The following PROS1 variants were observed in gnomAD, a reference collection of about 807,000 sequenced individuals.
PROS1 encodes the protein vitamin K-dependent protein S.
PROS1 carries 29 observed loss-of-function variants against 75.9 expected under a neutral mutation model. That is an observed-to-expected ratio of 0.38 (90% CI 0.28 to 0.52). The LOEUF is 0.52. PROS1 is among the 20% of genes least tolerant of loss of function. The pLI, the probability that PROS1 is intolerant of heterozygous loss-of-function variation, is 0.83. For synonymous variants in PROS1, 245 were observed against 280.6 expected (o/e 0.87, Z 1.27); for missense variants, 680 against 810.3 (o/e 0.84, Z 1.95).
At chr3:93,939,647 C>T (rs1383295528) in intron 1 of PROS1, among the ~76,000 whole-genome samples, 1 of 152,160 alleles carries the variant, frequency 6.6e-6, no homozygotes, top group Non-Finnish European at 1.5e-5. Flanking sequence ...TGCTCCTTTT[C>T]TTTATCTGAC....
At chr3:93,969,836 A>C (rs1709849181) in intron 1 of PROS1, among the ~76,000 whole-genome samples, 1 of 152,214 alleles carries the variant, frequency 6.6e-6, no homozygotes, top group East Asian at 1.9e-4. Flanking sequence ...TAGGCAAAGA[A>C]TACTGTATTA....
chr3:93,915,691 T>G (rs1359473508), intron 3 of PROS1, among the ~76,000 whole-genome samples: 1 of 152,208 alleles, frequency 6.6e-6, no homozygotes, highest in Non-Finnish European at 1.5e-5. Flanking sequence ...CTCATCAGAA[T>G]GGGCTTTAGC....
intron 1 of PROS1, among the ~76,000 whole-genome samples, chr3:93,935,642 A>C (rs961632476): frequency 6.6e-6 from 1 of 152,180 alleles, no homozygotes; most frequent in African/African-American, 2.4e-5. Flanking sequence ...GAAGGATTTC[A>C]GATATCAATG....
intron 10 of PROS1, among the ~76,000 whole-genome samples, chr3:93,887,615 A>T (rs1424735293): frequency 6.6e-6 from 1 of 152,244 alleles, no homozygotes. Flanking sequence ...AAGTTGGTCA[A>T]CACTCCTTCT....
chr3:93,915,047 C>T (rs911664802), intron 3 of PROS1, among the ~76,000 whole-genome samples: 18 of 152,294 alleles, frequency 1.2e-4, no homozygotes, highest in African/African-American at 1.7e-4. Flanking sequence ...CTCCTAAAGA[C>T]CTTTTCACTC....
chr3:93,924,835 T>C (rs1233767265), intron 2 of PROS1, among the ~76,000 whole-genome samples: 1 of 151,924 alleles, frequency 6.6e-6, no homozygotes, highest in Non-Finnish European at 1.5e-5. Context: ...GCTGGTTTTT[T>C]GTTGTTAATT....
chr3:93,918,190 T>C (rs950161491), intron 3 of PROS1, among the ~76,000 whole-genome samples: 8 of 152,166 alleles, frequency 5.3e-5, no homozygotes, highest in African/African-American at 1.9e-4. Context: ...AATACACCAA[T>C]TGACACTCTG....
At chr3:93,908,896 A>G (rs763599706) in intron 4 of PROS1, among the ~76,000 whole-genome samples, 1 of 152,170 alleles carries the variant, frequency 6.6e-6, no homozygotes, top group Non-Finnish European at 1.5e-5. Context: ...CATAAGCTGT[A>G]AGCTTATTTT....
chr3:93,962,468 T>C (rs1351925545), intron 1 of PROS1, among the ~76,000 whole-genome samples: 2 of 152,238 alleles, frequency 1.3e-5, no homozygotes, highest in African/African-American at 4.8e-5. Context: ...TACAGTTTCA[T>C]ACTATAAGCT....
At chr3:93,879,435 C>T in intron 12 of PROS1, 121 bp from the exon 13 acceptor site, 1 of 1,351,170 alleles carries the variant, frequency 7.4e-7, no homozygotes, top group South Asian at 1.2e-5. Flanking sequence ...ATTTCCATTC[C>T]CTTTCTCAAT....
chr3:93,887,004 C>T (rs1473219940), intron 10 of PROS1, among the ~76,000 whole-genome samples: 2 of 151,408 alleles, frequency 1.3e-5, no homozygotes, highest in African/African-American at 4.8e-5. Context: ...CTGCAAGCTC[C>T]GCTTCCCGGG....
At chr3:93,969,500 G>C (rs776686744) in intron 1 of PROS1, among the ~76,000 whole-genome samples, 1 of 152,092 alleles carries the variant, frequency 6.6e-6, no homozygotes, top group Non-Finnish European at 1.5e-5. Context: ...GTGAGCTGTC[G>C]ATCACAGGAC....
intron 1 of PROS1, among the ~76,000 whole-genome samples, chr3:93,963,662 G>A (rs1223414461): frequency 1.3e-5 from 2 of 151,888 alleles, no homozygotes; most frequent in Non-Finnish European, 2.9e-5. Context: ...GGCAAAAGGG[G>A]AGCAGTGGAT....
chr3:93,952,423 C>T (rs1177150351), intron 1 of PROS1, among the ~76,000 whole-genome samples: 2 of 152,134 alleles, frequency 1.3e-5, no homozygotes, highest in Non-Finnish European at 1.5e-5. Context: ...GATTAAGAAA[C>T]TCACTCAAAA....
intron 14 of PROS1, among the ~76,000 whole-genome samples, chr3:93,876,242 T>C (rs1349908461): frequency 6.6e-6 from 1 of 152,158 alleles, no homozygotes; most frequent in Non-Finnish European, 1.5e-5. Flanking sequence ...AGTGGATATA[T>C]TTGAAGCACG....
At chr3:93,919,402 C>T (rs1287833756) in intron 3 of PROS1, among the ~76,000 whole-genome samples, 15 of 137,234 alleles carry the variant, frequency 1.1e-4, no homozygotes, top group Middle Eastern at 3.7e-3. Context: ...AAGTTTTCTT[C>T]TTTGAAAATT....
At chr3:93,889,930 G>A (rs1418155820) in intron 10 of PROS1, among the ~76,000 whole-genome samples, 1 of 152,164 alleles carries the variant, frequency 6.6e-6, no homozygotes, top group Non-Finnish European at 1.5e-5. Flanking sequence ...AGGTCTGACT[G>A]CGTGCAGGGT....
chr3:93,904,090 T>A (rs1277141093), intron 6 of PROS1, among the ~76,000 whole-genome samples: 6 of 151,552 alleles, frequency 4.0e-5, no homozygotes, highest in African/African-American at 7.3e-5. Flanking sequence ...CTTGCGATAG[T>A]TTACTGAGAA....
intron 2 of PROS1, among the ~76,000 whole-genome samples, chr3:93,925,385 G>A (rs182853907): frequency 7.6e-4 from 115 of 152,184 alleles, no homozygotes; most frequent in African/African-American, 2.5e-3. Flanking sequence ...TATTGCGACC[G>A]TCAAAGGAAT....
Sources: gnomAD v4.1 joint callset for allele counts (sites outside exome capture counted in the v4.1 genomes callset) on GRCh38, gnomAD v4.1.1 for gene constraint, MANE v1.5 for transcripts, NCBI Gene and HGNC (gene_info 2026-07-23, HGNC 2026-07-21) for gene names.